Variants in INTS4 observed in about 807,000 individuals in gnomAD.
INTS4 encodes the protein integrator complex subunit 4.
In INTS4, 70 loss-of-function variants were observed where a neutral mutation model predicts 119.5. That is an observed-to-expected ratio of 0.59 (90% CI 0.48 to 0.71). INTS4 has a LOEUF of 0.71. INTS4 is among the 30% of genes least tolerant of loss of function. The probability of loss-of-function intolerance (pLI) is 0.00; values close to 1 mark genes in which losing one functional copy is unlikely to be tolerated. For missense variants in INTS4, 867 were observed against 1,173.2 expected, an observed-to-expected ratio of 0.74 and a Z score of 3.81; for synonymous variants, 316 against 419.6, an observed-to-expected ratio of 0.75 and a Z score of 3.02.
chr11:77,932,506 G>A (rs571080326), intron 10 of INTS4, among the ~76,000 whole-genome samples: 83 of 152,346 alleles, frequency 5.4e-4, no homozygotes, highest in African/African-American at 1.9e-3. Flanking sequence ...TACACTGTTG[G>A]TGGGAGTGTA....
At chr11:77,963,309 T>G in intron 4 of INTS4, 1 of 340,222 alleles carries the variant, frequency 2.9e-6, no homozygotes, top group East Asian at 9.0e-5. Flanking sequence ...TCATCATCAT[T>G]AAGAACTGCT....
At position 77,943,649 on chromosome 11, in the gene INTS4, T is replaced by C. The variant is rs184690783; in HGVS notation, c.919-2398A>G. 8.7e-3 allele frequency among the ~76,000 whole-genome samples: 1,328 copies of C among 152,312 alleles called. 11 individuals are homozygous for C. The highest frequency in any genetic ancestry group is 0.031 in the African/African-American group (1,277 of 41,560). ...CAAGACAAATATGTTTAGATTAAGA[T>C]GGAATCTCTCCAACTGTACTACTAG... On this transcript the variant is annotated intron_variant, in intron 8 of 22. Coordinates refer to ENST00000534064, the MANE Select transcript of INTS4 (RefSeq NM_033547.4).
intron 19 of INTS4, among the ~76,000 whole-genome samples, chr11:77,893,354 C>T (rs1323087200): frequency 1.3e-5 from 2 of 152,082 alleles, no homozygotes; most frequent in African/African-American, 4.8e-5. Context: ...ACCTGTAATC[C>T]CAATACTTTG....
At chr11:77,884,998 G>A (rs374889939) in intron 21 of INTS4, 73 of 184,058 alleles carry the variant, frequency 4.0e-4, no homozygotes, top group African/African-American at 1.6e-3. Context: ...GACCTCAAGT[G>A]ATCCTCCTGC....
intron 15 of INTS4, chr11:77,915,323 C>G (rs1953181002): frequency 6.6e-6 from 1 of 152,176 alleles, no homozygotes; most frequent in African/African-American, 2.4e-5. Context: ...CTGGGGGGCC[C>G]ATCACTGGAG....
intron 8 of INTS4, among the ~76,000 whole-genome samples, chr11:77,947,067 T>G (rs1209104239): frequency 2.7e-5 from 4 of 150,164 alleles, no homozygotes; most frequent in Admixed American, 2.6e-4. Context: ...AAGAAAGAAT[T>G]TCTGACCTTG....
intron 4 of INTS4, among the ~76,000 whole-genome samples, chr11:77,976,390 A>C (rs1176470705): frequency 1.3e-5 from 2 of 152,188 alleles, no homozygotes; most frequent in African/African-American, 2.4e-5. Flanking sequence ...CACAGCCTTT[A>C]AAAAAGTCTA....
intron 4 of INTS4, among the ~76,000 whole-genome samples, chr11:77,976,350 C>T (rs1038020837): frequency 6.6e-6 from 1 of 152,030 alleles, no homozygotes; most frequent in African/African-American, 2.4e-5. Context: ...CATAGCAAGA[C>T]CTTCGTCTTT....
At chr11:77,933,804 G>T (rs1422025657) in intron 10 of INTS4, among the ~76,000 whole-genome samples, 1 of 150,618 alleles carries the variant, frequency 6.6e-6, no homozygotes, top group Admixed American at 6.6e-5. Flanking sequence ...CAGCCGCCCC[G>T]TCCGGGAGGT....
intron 21 of INTS4, among the ~76,000 whole-genome samples, chr11:77,886,964 T>A (rs1325256122): frequency 6.7e-6 from 1 of 150,352 alleles, no homozygotes; most frequent in African/African-American, 2.5e-5. Flanking sequence ...TAGAGGGAAA[T>A]TTATAGCACT....
chr11:77,900,921 A>G (rs1952759366), intron 18 of INTS4: 1 of 403,274 alleles, frequency 2.5e-6, no homozygotes, highest in African/African-American at 2.1e-5. Context: ...TGCTGTCTTC[A>G]TTTTCATTTT....
At chr11:77,909,083 T>C (rs1214589511) in intron 15 of INTS4, among the ~76,000 whole-genome samples, 1 of 152,246 alleles carries the variant, frequency 6.6e-6, no homozygotes. Context: ...AATTGGTGTG[T>C]CTGTCTGTCT....
At chr11:77,876,478 C>T (rs190765573), downstream of INTS4, among the ~76,000 whole-genome samples, 28 of 150,940 alleles carry the variant, frequency 1.9e-4, no homozygotes, top group East Asian at 5.8e-4. Flanking sequence ...TTCCCCAGAA[C>T]GTGAAAATTC....
intron 15 of INTS4, chr11:77,915,115 AG>A (rs1953176942): frequency 5.8e-6 from 1 of 173,514 alleles, no homozygotes; most frequent in African/African-American, 2.4e-5. Flanking sequence ...ACTGCAAAGC[AG>A]TGATATGTGT....
At chr11:77,933,302 C>G (rs983939263) in intron 10 of INTS4, among the ~76,000 whole-genome samples, 34 of 152,016 alleles carry the variant, frequency 2.2e-4, no homozygotes, top group Non-Finnish European at 4.3e-4. Context: ...GCCACCATCT[C>G]GGCTCACTGC....
intron 4 of INTS4, among the ~76,000 whole-genome samples, chr11:77,970,238 A>G (rs925800467): frequency 6.6e-6 from 1 of 151,952 alleles, no homozygotes; most frequent in Non-Finnish European, 1.5e-5. Context: ...CTCTATTAAA[A>G]ATACAAAAAA....
chr11:77,913,085 C>G (rs188699208), intron 15 of INTS4, among the ~76,000 whole-genome samples: 10 of 152,254 alleles, frequency 6.6e-5, no homozygotes, highest in African/African-American at 2.4e-4. Context: ...TGTATAGCAA[C>G]AGCACTTTCA....
At chr11:77,901,606 G>A (rs1952780096) in intron 17 of INTS4, 55 bp from the exon 18 acceptor site, 9 of 1,364,688 alleles carry the variant, frequency 6.6e-6, no homozygotes, top group Non-Finnish European at 8.4e-6. Flanking sequence ...TTACTTGAGA[G>A]CAGCATAGAA....
rs148121595 is a variant in INTS4, at chr11:77,946,813, C to T, written c.919-5562G>A. ...CAATGACAGACATTAAAGAAAAGGA[C>T]ACTTACAAAATGCCTGAAAAGGAAT... is the stretch of plus-strand genomic sequence containing the variant. On this transcript the variant is annotated intron_variant, in intron 8 of 22. Coordinates refer to ENST00000534064, the MANE Select transcript of INTS4 (RefSeq NM_033547.4). 3.0e-4 allele frequency among the ~76,000 whole-genome samples: 44 copies of T among 147,832 alleles called. 1 individual carries two copies. The East Asian group carries it at 8.7e-3, about 29-fold the overall frequency.
Sources: gnomAD v4.1 joint callset for allele counts (sites outside exome capture counted in the v4.1 genomes callset) on GRCh38, gnomAD v4.1.1 for gene constraint, MANE v1.5 for transcripts, NCBI Gene and HGNC (gene_info 2026-07-23, HGNC 2026-07-21) for gene names.